DOK6: variants seen among roughly 807,000 people sequenced by gnomAD.
DOK6 encodes the protein downstream of tyrosine kinase 6.
Under a neutral mutation model 44.0 loss-of-function variants are expected in DOK6, and 22 were observed. The ratio of observed to expected loss-of-function variants is 0.50; its 90% CI spans 0.36 to 0.71. The LOEUF (loss-of-function observed/expected upper bound fraction) is 0.71. Ranked by LOEUF, DOK6 falls within the 30% of genes least tolerant of loss-of-function variation. The pLI, the probability that DOK6 is intolerant of heterozygous loss-of-function variation, is 0.00. For missense variants in DOK6, 340 were observed against 416.4 expected (o/e 0.82, Z 1.60); for synonymous variants, 166 against 145.5 (o/e 1.14, Z -1.01).
In DOK6 at chr18:69,547,245, C is replaced by T. The variant is rs1030284703; in HGVS notation, c.67-17242C>T. Among the ~76,000 whole-genome samples the T allele has an allele frequency of 3.3e-5, 5 of 151,288 alleles. 1 individual carries two copies. Among genetic ancestry groups the T allele is most frequent in the Non-Finnish European group, 5.9e-5 (4 of 67,690 alleles). Reference sequence around the variant, plus strand: ...CCTCCTGAGTAGCTGGGATTACAGACGCGCACCACCACGCCCAGCTAATTT... The same window carrying T: ...CCTCCTGAGTAGCTGGGATTACAGATGCGCACCACCACGCCCAGCTAATTT... On this transcript the variant is annotated intron_variant, in intron 1 of 7. Transcript: ENST00000382713.
At chr18:69,716,496 G>C (rs1456031377) in intron 5 of DOK6, among the ~76,000 whole-genome samples, 1 of 151,898 alleles carries the variant, frequency 6.6e-6, no homozygotes, top group Non-Finnish European at 1.5e-5. Context: ...AAATAGCTCG[G>C]GTTTTATTTT....
Position 69,754,578 on chromosome 18 carries a change from G to A in DOK6, c.739-3178G>A, listed in dbSNP as rs544282674. 3.3e-5 allele frequency among the ~76,000 whole-genome samples: 5 copies of A among 152,242 alleles called. No homozygotes were observed. In the South Asian group the frequency reaches 1.0e-3, roughly 32 times the overall value. On this transcript the variant is annotated intron_variant, in intron 6 of 7. Coordinates refer to ENST00000382713, the MANE Select transcript of DOK6 (RefSeq NM_152721.6). ...CACAAACTGGATGGGTTAAACAACA[G>A]AAATTTATTTTCTCAGTTCTGGAGG... is the stretch of plus-strand genomic sequence containing the variant.
rs186862033 is a variant in DOK6 at position 69,748,068 on chromosome 18, A to G, written c.738+8965A>G. Among the ~76,000 whole-genome samples, 268 of 152,336 alleles carry G rather than the reference A, an allele frequency of 1.8e-3. 5 individuals carry two copies. Among genetic ancestry groups the G allele is most frequent in the Non-Finnish European group, 8.2e-4 (56 of 68,028 alleles). ...GGAGGAAAATTTACCAAGCAAATTG[A>G]AAACAAAAAAGCAGGGGTTACAATC... On this transcript the variant is annotated intron_variant, in intron 6 of 7. Coordinates refer to ENST00000382713, the MANE Select transcript of DOK6 (RefSeq NM_152721.6).
intron 5 of DOK6, among the ~76,000 whole-genome samples, chr18:69,722,741 A>G (rs953847163): frequency 2.0e-5 from 3 of 152,180 alleles, no homozygotes; most frequent in Non-Finnish European, 4.4e-5. Flanking sequence ...TCATATCTCT[A>G]AAGTTAAATT....
chr18:69,429,258 G>A (rs989922804), intron 1 of DOK6, among the ~76,000 whole-genome samples: 5 of 151,978 alleles, frequency 3.3e-5, no homozygotes, highest in African/African-American at 1.2e-4. Context: ...TAGTAGCATG[G>A]ACATATTCCT....
intron 5 of DOK6, among the ~76,000 whole-genome samples, chr18:69,706,155 C>A (rs1986628854): frequency 6.6e-6 from 1 of 152,140 alleles, no homozygotes; most frequent in Non-Finnish European, 1.5e-5. Context: ...AAACAAACTT[C>A]TTGTATCTTT....
chr18:69,462,053 T>A (rs368769771), intron 1 of DOK6, among the ~76,000 whole-genome samples: 1 of 152,216 alleles, frequency 6.6e-6, no homozygotes, highest in East Asian at 1.9e-4. Flanking sequence ...CATCCTCTTG[T>A]CTGGTTAGTT....
intron 1 of DOK6, among the ~76,000 whole-genome samples, chr18:69,510,204 C>T (rs1981327131): frequency 6.6e-6 from 1 of 152,194 alleles, no homozygotes; most frequent in South Asian, 2.1e-4. Flanking sequence ...CAATGAAATA[C>T]AAGTTTATTA....
chr18:69,423,013 G>T (rs1978537701), intron 1 of DOK6, among the ~76,000 whole-genome samples: 1 of 152,034 alleles, frequency 6.6e-6, no homozygotes, highest in Non-Finnish European at 1.5e-5. Context: ...TTTTAACATA[G>T]AAAAATGTGG....
At chr18:69,686,260 C>T (rs1020456668) in intron 4 of DOK6, among the ~76,000 whole-genome samples, 21 of 152,064 alleles carry the variant, frequency 1.4e-4, no homozygotes, top group Non-Finnish European at 2.8e-4. Flanking sequence ...TTTAAGCCAC[C>T]CAGTCTGTGG....
intron 7 of DOK6, among the ~76,000 whole-genome samples, chr18:69,819,320 C>A (rs767818683): frequency 1.3e-5 from 2 of 152,052 alleles, no homozygotes; most frequent in African/African-American, 2.4e-5. Flanking sequence ...GTCATTAATG[C>A]ACATTTTTAA....
intron 7 of DOK6, among the ~76,000 whole-genome samples, chr18:69,767,037 G>A (rs574012496): frequency 5.7e-4 from 86 of 152,144 alleles, no homozygotes; most frequent in African/African-American, 2.0e-3. Flanking sequence ...GACCAGCCTG[G>A]CCAACATGGC....
intron 1 of DOK6, among the ~76,000 whole-genome samples, chr18:69,443,770 TG>T (rs1979201863): frequency 6.6e-6 from 1 of 152,126 alleles, no homozygotes. Flanking sequence ...TTGCTGATAG[TG>T]GTATTTAGAC....
chr18:69,692,719 C>CTA (rs1986295348), intron 4 of DOK6, among the ~76,000 whole-genome samples: 1 of 152,138 alleles, frequency 6.6e-6, no homozygotes. Context: ...GCCTGTGACT[C>CTA]TAGTTATGTA....
intron 7 of DOK6, among the ~76,000 whole-genome samples, chr18:69,824,893 T>C (rs1330142150): frequency 6.6e-6 from 1 of 152,248 alleles, no homozygotes; most frequent in African/African-American, 2.4e-5. Flanking sequence ...GTCTTAGTCT[T>C]GAAAAATTAC....
At chr18:69,521,499 G>A (rs1191409093) in intron 1 of DOK6, among the ~76,000 whole-genome samples, 2 of 150,056 alleles carry the variant, frequency 1.3e-5, no homozygotes, top group African/African-American at 4.9e-5. Flanking sequence ...CAATTTTTAT[G>A]AAAGGATAGT....
chr18:69,409,414 T>C (rs547105121), intron 1 of DOK6, among the ~76,000 whole-genome samples: 19 of 152,238 alleles, frequency 1.2e-4, no homozygotes, highest in Non-Finnish European at 2.6e-4. Context: ...CCCTTTGGCA[T>C]GTTTATGTGT....
intron 4 of DOK6, 106 bp from the exon 5 acceptor site, chr18:69,698,298 G>A (rs936828919): frequency 2.1e-6 from 2 of 961,770 alleles, no homozygotes; most frequent in Non-Finnish European, 3.0e-6. Flanking sequence ...TAGGGAGGAT[G>A]TGGTCATGTT....
At chr18:69,535,390 T>C (rs1459166078) in intron 1 of DOK6, among the ~76,000 whole-genome samples, 1 of 152,058 alleles carries the variant, frequency 6.6e-6, no homozygotes, top group Non-Finnish European at 1.5e-5. Flanking sequence ...TACGGTTGAC[T>C]AACTTCCTGA....
Sources: gnomAD v4.1 joint callset for allele counts (sites outside exome capture counted in the v4.1 genomes callset) on GRCh38, gnomAD v4.1.1 for gene constraint, MANE v1.5 for transcripts, NCBI Gene and HGNC (gene_info 2026-07-23, HGNC 2026-07-21) for gene names.